SPON1: variants seen among roughly 807,000 people sequenced by gnomAD.
SPON1 encodes the protein spondin-1.
In SPON1, 52 loss-of-function variants were observed where a neutral mutation model predicts 111.7. That is an observed-to-expected ratio of 0.47 (90% CI 0.37 to 0.59). SPON1 has a LOEUF of 0.59. Among genes scored for constraint, SPON1 ranks in the 20% least tolerant of loss-of-function variants. SPON1 has a pLI of 0.00. For missense variants in SPON1, 957 were observed against 1,068.5 expected (o/e 0.90, Z 1.46); for synonymous variants, 410 against 395.8 (o/e 1.04, Z -0.43).
intron 2 of SPON1, among the ~76,000 whole-genome samples, chr11:14,035,017 C>A (rs975504165): frequency 6.6e-6 from 1 of 152,168 alleles, no homozygotes; most frequent in Non-Finnish European, 1.5e-5. Context: ...GGAAACCTAC[C>A]CTCACGTCAA....
chr11:14,005,909 T>C (rs1387014278), intron 2 of SPON1, among the ~76,000 whole-genome samples: 1 of 152,204 alleles, frequency 6.6e-6, no homozygotes, highest in Non-Finnish European at 1.5e-5. Context: ...AGGCTCGGTT[T>C]CTTCCTGCTT....
At position 14,265,791 on chromosome 11, in the gene SPON1, T is replaced by C; in HGVS notation, c.*104T>C. ...TTTAAATTGTGTACGCTAGTTTTCA[T>C]TTTTGCAGTGTGGTTCGCCCAGTAG... On this transcript the variant is annotated 3_prime_UTR_variant, in exon 16 of 16. Transcript: ENST00000576479. 1 of 1,334,046 alleles carries C rather than the reference T, an allele frequency of 7.5e-7. No individual in the cohort carries two copies. The highest frequency in any genetic ancestry group is 1.0e-6 in the Non-Finnish European group (1 of 978,964). The allele number at this position is 1,334,046 out of a possible 1,614,324, so 82.6% of individuals were successfully genotyped here. A position where few individuals can be genotyped will look rare whatever the true frequency, so the allele number is the denominator to read the frequency against.
chr11:14,002,327 G>A (rs1244063879), intron 2 of SPON1, among the ~76,000 whole-genome samples: 1 of 151,996 alleles, frequency 6.6e-6, no homozygotes. Context: ...CACCTAAGGG[G>A]GTGAGGAACT....
intron 6 of SPON1, among the ~76,000 whole-genome samples, chr11:14,199,189 A>T (rs1247922587): frequency 1.3e-5 from 2 of 152,140 alleles, no homozygotes; most frequent in Non-Finnish European, 2.9e-5. Flanking sequence ...ATGTCTGAAG[A>T]TATTTAGTCC....
chr11:14,253,492 C>A (rs1427066583), intron 7 of SPON1, among the ~76,000 whole-genome samples: 1 of 152,226 alleles, frequency 6.6e-6, no homozygotes, highest in Non-Finnish European at 1.5e-5. Context: ...TACCAGAGCC[C>A]AAGGGGCCCA....
rs1174999589 is a variant in SPON1, at chr11:14,228,331, AACCC to A, written c.826-14998_826-14995del. Among the ~76,000 whole-genome samples, 2 of 152,344 alleles carry A rather than the reference AACCC, an allele frequency of 1.3e-5. No homozygotes were observed. The highest frequency in any genetic ancestry group is 3.9e-4 in the East Asian group (2 of 5,194). On this transcript the variant is annotated intron_variant, in intron 6 of 15. Transcript: ENST00000576479. This position sits in a 1 kb window ranked among gnomAD's most constrained non-coding sequence, Gnocchi z 4.2. ...TTTGTTAACTCTGCTTTCCTTTTAG[AACCC>A]ACTCTCTTTAGCAGCTGGGTTCTCT...
chr11:14,034,468 T>C (rs1848580193), intron 2 of SPON1, among the ~76,000 whole-genome samples: 3 of 152,222 alleles, frequency 2.0e-5, no homozygotes, highest in Admixed American at 2.0e-4. Flanking sequence ...AAGAAGCTGA[T>C]ATTTTCTGAG....
At chr11:13,974,349 A>AC (rs1444462213) in intron 1 of SPON1, among the ~76,000 whole-genome samples, 1 of 152,162 alleles carries the variant, frequency 6.6e-6, no homozygotes, top group African/African-American at 2.4e-5. Context: ...TGGAGCTGGG[A>AC]CTCAGGGTCT....
intron 6 of SPON1, among the ~76,000 whole-genome samples, chr11:14,225,709 C>G (rs1343781120): frequency 6.6e-6 from 1 of 152,142 alleles, no homozygotes; most frequent in African/African-American, 2.4e-5. Context: ...TTGATACTCT[C>G]TTTTTAAAGA....
chr11:14,225,505 T>C (rs1007269441), intron 6 of SPON1, among the ~76,000 whole-genome samples: 13 of 152,180 alleles, frequency 8.5e-5, no homozygotes, highest in African/African-American at 3.1e-4. Flanking sequence ...TTCTAAGCTA[T>C]TTATTTTCTT....
intron 6 of SPON1, among the ~76,000 whole-genome samples, chr11:14,223,562 A>C (rs1848704438): frequency 6.6e-6 from 1 of 152,226 alleles, no homozygotes; most frequent in Admixed American, 6.5e-5. Context: ...GATGAATGTC[A>C]TTCGGTTCTG....
At chr11:14,226,681 G>A (rs11605163) in intron 6 of SPON1, among the ~76,000 whole-genome samples, 11,762 of 152,250 alleles carry the variant, frequency 0.077, 478 homozygotes, top group Admixed American at 0.083. Context: ...AAAAAGGCAA[G>A]CAGGGCCCAT....
At position 14,211,420 on chromosome 11, in the gene SPON1, C is replaced by A. The variant is rs754550989; in HGVS notation, c.826-31912C>A. On this transcript the variant is annotated intron_variant, in intron 6 of 15. Coordinates refer to ENST00000576479, the MANE Select transcript of SPON1 (RefSeq NM_006108.4). ...ATAAAATACCTAGGAATACAACTTACAAGGGATGTGAAGGACCTCTTCAAG... is the reference window on the plus strand; with the variant it reads ...ATAAAATACCTAGGAATACAACTTAAAAGGGATGTGAAGGACCTCTTCAAG... Among the ~76,000 whole-genome samples the A allele has an allele frequency of 3.3e-5, 5 of 152,132 alleles. No individual in the cohort carries two copies. The East Asian group carries it at 5.8e-4, about 18-fold the overall frequency.
intron 2 of SPON1, among the ~76,000 whole-genome samples, chr11:13,991,126 C>T (rs528124165): frequency 3.3e-5 from 5 of 152,274 alleles, no homozygotes; most frequent in Non-Finnish European, 7.4e-5. Flanking sequence ...GCCTGTCTTG[C>T]TAGGTTGGAG....
chr11:14,030,613 G>A (rs987056356), intron 2 of SPON1, among the ~76,000 whole-genome samples: 2 of 152,190 alleles, frequency 1.3e-5, no homozygotes, highest in South Asian at 2.1e-4. Context: ...AATGCAAAAA[G>A]GGATGCTAGT....
chr11:14,263,034 G>T (rs1374922147), intron 15 of SPON1, 59 bp downstream of exon 15: 1 of 1,537,980 alleles, frequency 6.5e-7, no homozygotes, highest in African/African-American at 1.4e-5. Flanking sequence ...TCTGCACTGG[G>T]CTAAGTCTTG....
At chr11:14,183,542 TG>T (rs1848257143) in intron 6 of SPON1, among the ~76,000 whole-genome samples, 2 of 152,210 alleles carry the variant, frequency 1.3e-5, no homozygotes, top group Admixed American at 1.3e-4. Context: ...TCGTAGCCAG[TG>T]TTTGTTCTGT....
chr11:14,035,353 C>T (rs117299325), intron 2 of SPON1, among the ~76,000 whole-genome samples: 26 of 152,186 alleles, frequency 1.7e-4, no homozygotes, highest in East Asian at 1.5e-3. Flanking sequence ...CAGTAGTTTC[C>T]TAAGGGGTGG....
chr11:14,088,831 T>C (rs1849027864), intron 5 of SPON1, among the ~76,000 whole-genome samples: 1 of 152,078 alleles, frequency 6.6e-6, no homozygotes, highest in African/African-American at 2.4e-5. Flanking sequence ...TGTTCGTTCC[T>C]TTTCATTCTT....
Sources: gnomAD v4.1 joint callset for allele counts (sites outside exome capture counted in the v4.1 genomes callset) on GRCh38, gnomAD v4.1.1 for gene constraint, Gnocchi (gnomAD v3.1) non-coding constraint, MANE v1.5 for transcripts, NCBI Gene and HGNC (gene_info 2026-07-23, HGNC 2026-07-21) for gene names.